The following RNF175 variants were observed in gnomAD, a reference collection of about 807,000 sequenced individuals.
RNF175 encodes the protein ring finger protein 175.
A neutral mutation model predicts 50.0 loss-of-function variants in RNF175; 38 were observed. The ratio of observed to expected loss-of-function variants is 0.76; its 90% CI spans 0.59 to 1.00. The LOEUF is 1.00. Ranked by LOEUF, RNF175 falls within the 50% of genes least tolerant of loss-of-function variation. RNF175 has a pLI of 0.00. For synonymous variants in RNF175, 155 were observed against 146.1 expected, an observed-to-expected ratio of 1.06 and a Z score of -0.44; for missense variants, 388 against 409.6, an observed-to-expected ratio of 0.95 and a Z score of 0.46.
chr4:153,713,133 A>G (rs1291458020), intron 7 of RNF175: 1 of 152,288 alleles, frequency 6.6e-6, no homozygotes, highest in African/African-American at 2.4e-5. Context: ...AATAGAATAT[A>G]TACCTACTAA....
At chr4:153,742,157 C>A (rs1739696657) in intron 3 of RNF175, among the ~76,000 whole-genome samples, 1 of 151,690 alleles carries the variant, frequency 6.6e-6, no homozygotes, top group Non-Finnish European at 1.5e-5. Flanking sequence ...ACCTGTAATC[C>A]CAGCTACTCA....
chr4:153,748,500 G>C, intron 3 of RNF175, 145 bp downstream of exon 3: 1 of 621,750 alleles, frequency 1.6e-6, no homozygotes, highest in Non-Finnish European at 2.5e-6. Context: ...TCTCCTGGGA[G>C]TGAAATTGCA....
chr4:153,735,225 C>CTT (rs1739291740), intron 3 of RNF175, among the ~76,000 whole-genome samples: 2 of 136,392 alleles, frequency 1.5e-5, no homozygotes, highest in Admixed American at 7.2e-5. Context: ...GTGTCTGTGT[C>CTT]TATTTTTTTT....
At chr4:153,742,470 A>G (rs868082085) in intron 3 of RNF175, among the ~76,000 whole-genome samples, 1 of 152,230 alleles carries the variant, frequency 6.6e-6, no homozygotes, top group South Asian at 2.1e-4. Flanking sequence ...ACAGCATATG[A>G]TTACGTTTGC....
At chr4:153,750,841 A>G (rs529738353) in intron 2 of RNF175, among the ~76,000 whole-genome samples, 1 of 133,608 alleles carries the variant, frequency 7.5e-6, no homozygotes, top group East Asian at 1.9e-4. Context: ...TCATCAGTCT[A>G]AAATAGGATT....
intron 7 of RNF175, 126 bp downstream of exon 7, chr4:153,715,403 T>G (rs901096784): frequency 1.1e-6 from 1 of 880,876 alleles, no homozygotes; most frequent in African/African-American, 1.7e-5. Context: ...GGCTGGAGGA[T>G]AAAGGACTGG....
intron 8 of RNF175, among the ~76,000 whole-genome samples, chr4:153,711,903 A>C (rs539116588): frequency 2.0e-5 from 3 of 152,308 alleles, no homozygotes; most frequent in African/African-American, 7.2e-5. Context: ...GTAAATCTTT[A>C]TTTATTTTCA....
chr4:153,731,305 T>G (rs978137899), intron 3 of RNF175, among the ~76,000 whole-genome samples: 2 of 152,124 alleles, frequency 1.3e-5, no homozygotes, highest in South Asian at 4.1e-4. Flanking sequence ...ATGAAATATA[T>G]GAAATCGAGG....
At position 153,748,707 on chromosome 4, in the gene RNF175, C is replaced by A. The variant is rs144098723; in HGVS notation, c.184G>T (p.Val62Phe). 2 of 1,608,270 alleles carry A rather than the reference C, an allele frequency of 1.2e-6. No homozygotes were observed. The highest frequency in any genetic ancestry group is 8.5e-7 in the Non-Finnish European group (1 of 1,177,440). ...AGCACTATCTGGGCAATGACCAGAACGCAGAGGAAGATCAAGATCATTTCC... is the reference window on the plus strand; with the variant it reads ...AGCACTATCTGGGCAATGACCAGAAAGCAGAGGAAGATCAAGATCATTTCC... Reference protein sequence around the residue: ...HVEMILIFLCVLVIAQIVLVQ... With the variant: ...HVEMILIFLCFLVIAQIVLVQ... The change falls in exon 3 of 9, where the codon GTT (valine) becomes TTT (phenylalanine). Residue 62 changes from valine (V) to phenylalanine (F), a missense_variant. Physicochemically the swap from Val to Phe is conservative, Grantham distance 50. Coordinates refer to ENST00000347063, the MANE Select transcript of RNF175 (RefSeq NM_173662.4).
At chr4:153,731,227 A>T (rs1241553279) in intron 3 of RNF175, among the ~76,000 whole-genome samples, 1 of 152,208 alleles carries the variant, frequency 6.6e-6, no homozygotes, top group Admixed American at 6.5e-5. Context: ...GAGCAGTTAA[A>T]ATTTCTCATT....
chr4:153,711,882 T>G (rs1207075877), intron 8 of RNF175, among the ~76,000 whole-genome samples: 1 of 152,234 alleles, frequency 6.6e-6, no homozygotes, highest in Non-Finnish European at 1.5e-5. Context: ...TGCCAGAAGC[T>G]GATCAACTCT....
At chr4:153,741,832 T>C (rs930791843) in intron 3 of RNF175, among the ~76,000 whole-genome samples, 1 of 152,202 alleles carries the variant, frequency 6.6e-6, no homozygotes, top group Non-Finnish European at 1.5e-5. Flanking sequence ...CAGTACTCTT[T>C]CCTTTCACCA....
At chr4:153,712,255 A>G (rs1737635359) in intron 8 of RNF175, among the ~76,000 whole-genome samples, 1 of 152,196 alleles carries the variant, frequency 6.6e-6, no homozygotes, top group Admixed American at 6.5e-5. Context: ...AATATAGAAC[A>G]TAAAGAGTGG....
At chr4:153,723,934 C>G (rs986132863) in intron 4 of RNF175, among the ~76,000 whole-genome samples, 3 of 152,144 alleles carry the variant, frequency 2.0e-5, no homozygotes, top group Non-Finnish European at 2.9e-5. Flanking sequence ...TTTCCCCCAG[C>G]CCCAGTGCAG....
chr4:153,710,575 G>A, intron 8 of RNF175, 86 bp from the exon 9 acceptor site: 2 of 1,242,064 alleles, frequency 1.6e-6, no homozygotes, highest in Non-Finnish European at 2.3e-6. Context: ...AATAAACAAT[G>A]TAATGAATGG....
At chr4:153,724,739 T>C (rs1235536742) in intron 4 of RNF175, among the ~76,000 whole-genome samples, 2 of 151,972 alleles carry the variant, frequency 1.3e-5, no homozygotes, top group Non-Finnish European at 2.9e-5. Context: ...CTGAACATCA[T>C]GGTTTAAATG....
At chr4:153,752,836 G>A (rs1017204102) in intron 1 of RNF175, among the ~76,000 whole-genome samples, 10 of 151,934 alleles carry the variant, frequency 6.6e-5, no homozygotes, top group Non-Finnish European at 1.3e-4. Context: ...CAGTCCAAAA[G>A]GGCAAAGTAC....
At chr4:153,732,284 T>C (rs1157721428) in intron 3 of RNF175, among the ~76,000 whole-genome samples, 2 of 151,608 alleles carry the variant, frequency 1.3e-5, no homozygotes, top group Non-Finnish European at 2.9e-5. Flanking sequence ...GAAGAAAATA[T>C]GGAAATGGAA....
chr4:153,757,233 C>T (rs1740610896), intron 1 of RNF175, among the ~76,000 whole-genome samples: 1 of 152,212 alleles, frequency 6.6e-6, no homozygotes, highest in South Asian at 2.1e-4. Flanking sequence ...AACATTGTTA[C>T]CAGACTGCAT....
Sources: allele counts gnomAD v4.1 joint callset (sites outside exome capture counted in the v4.1 genomes callset), GRCh38; gene constraint gnomAD v4.1.1; transcripts MANE v1.5; gene names NCBI Gene and HGNC (gene_info 2026-07-23, HGNC 2026-07-21).